CDH13: variants seen among roughly 807,000 people sequenced by gnomAD.
CDH13 encodes the protein cadherin 13.
A neutral mutation model predicts 63.8 loss-of-function variants in CDH13; 24 were observed. The observed-to-expected ratio is 0.38, with a 90% CI of 0.27 to 0.53. The LOEUF is 0.53. Ranked by LOEUF, CDH13 falls within the 20% of genes least tolerant of loss-of-function variation. The pLI is 0.85. For synonymous variants in CDH13, 503 were observed against 355.3 expected (o/e 1.42, Z -4.67); for missense variants, 1,049 against 903.1 (o/e 1.16, Z -2.07).
chr16:83,145,262 C>T (rs1022597225), intron 4 of CDH13, among the ~76,000 whole-genome samples: 2 of 152,174 alleles, frequency 1.3e-5, no homozygotes, highest in African/African-American at 2.4e-5. Context: ...CACCAACTCC[C>T]CTGTTGGCTG....
At chr16:83,121,214 G>A (rs891706732) in intron 3 of CDH13, among the ~76,000 whole-genome samples, 3 of 152,142 alleles carry the variant, frequency 2.0e-5, no homozygotes, top group Non-Finnish European at 2.9e-5. Flanking sequence ...AGAGACTAAA[G>A]TGTCTCTTAC....
chr16:83,434,715 T>C (rs906764230), intron 6 of CDH13, among the ~76,000 whole-genome samples: 1 of 151,786 alleles, frequency 6.6e-6, no homozygotes, highest in Admixed American at 6.6e-5. Context: ...CCCCTCAATA[T>C]GTCTGCAATC....
At chr16:83,004,362 T>G (rs1913257727) in intron 2 of CDH13, among the ~76,000 whole-genome samples, 1 of 152,156 alleles carries the variant, frequency 6.6e-6, no homozygotes, top group African/African-American at 2.4e-5. Context: ...AGTTAGGATA[T>G]TGGCTAACAG....
chr16:83,630,838 C>A (rs942338774), intron 8 of CDH13, among the ~76,000 whole-genome samples: 2 of 152,174 alleles, frequency 1.3e-5, no homozygotes, highest in Middle Eastern at 3.2e-3. Context: ...ATATTTGTAG[C>A]TATCTTATTA....
intron 1 of CDH13, among the ~76,000 whole-genome samples, chr16:82,816,197 C>T (rs1406568636): frequency 6.6e-6 from 1 of 152,140 alleles, no homozygotes; most frequent in Non-Finnish European, 1.5e-5. Flanking sequence ...GAAGCAAACC[C>T]CACTGCAGCC....
At chr16:83,082,026 C>T (rs910456009) in intron 3 of CDH13, among the ~76,000 whole-genome samples, 1 of 152,086 alleles carries the variant, frequency 6.6e-6, no homozygotes, top group African/African-American at 2.4e-5. Context: ...TCTCGAACTC[C>T]CAACCTCAGG....
chr16:83,786,823 G>C (rs1446113673), intron 13 of CDH13, among the ~76,000 whole-genome samples: 2 of 152,050 alleles, frequency 1.3e-5, no homozygotes, highest in Non-Finnish European at 2.9e-5. Context: ...CCTGACCTCA[G>C]GTAATCTGCC....
intron 1 of CDH13, among the ~76,000 whole-genome samples, chr16:82,797,718 A>T (rs1215635678): frequency 6.6e-6 from 1 of 151,894 alleles, no homozygotes; most frequent in African/African-American, 2.4e-5. Context: ...GTTATTTGGG[A>T]TAGAATTCAG....
At chr16:83,725,312 A>G (rs1910254395) in intron 10 of CDH13, among the ~76,000 whole-genome samples, 1 of 152,210 alleles carries the variant, frequency 6.6e-6, no homozygotes, top group Non-Finnish European at 1.5e-5. Flanking sequence ...GGTCTTGTGT[A>G]TCCTGTGGAT....
rs561374965 is a variant in CDH13 at position 83,344,870 on chromosome 16, G to A, written c.645G>A (p.Val215=). 3.3e-5 allele frequency: 54 copies of A among 1,613,686 alleles called. 1 individual carries two copies. In the East Asian group the frequency reaches 8.2e-4, roughly 25 times the overall value. ...REVIAVYQLF[V]ETTDVNGKTL... is the part of the protein sequence containing the mutation. ...TCTCTTTGCTCAAATAGCTATTTGT[G>A]GAGACCACTGATGTCAATGGCAAAA... Residue 215 remains valine (V), a synonymous_variant, in exon 6 of 14, where the codon GTG becomes GTA. Coordinates refer to ENST00000567109, the MANE Select transcript of CDH13 (RefSeq NM_001257.5).
At chr16:83,290,786 A>G (rs1006161987) in intron 5 of CDH13, among the ~76,000 whole-genome samples, 1 of 151,910 alleles carries the variant, frequency 6.6e-6, no homozygotes, top group Non-Finnish European at 1.5e-5. Context: ...CTGTCCATGC[A>G]CGTGCACTTT....
At chr16:83,629,887 C>A (rs1910629200) in intron 8 of CDH13, among the ~76,000 whole-genome samples, 1 of 152,212 alleles carries the variant, frequency 6.6e-6, no homozygotes, top group Non-Finnish European at 1.5e-5. Flanking sequence ...GAGCTTACAA[C>A]AGCGTTGAAT....
chr16:83,629,477 C>T (rs1394901565), intron 8 of CDH13, among the ~76,000 whole-genome samples: 1 of 152,162 alleles, frequency 6.6e-6, no homozygotes, highest in Non-Finnish European at 1.5e-5. Flanking sequence ...ATTTTAAAAA[C>T]CCAGGGTTCT....
intron 10 of CDH13, among the ~76,000 whole-genome samples, chr16:83,682,752 A>C (rs1337558597): frequency 6.6e-6 from 1 of 151,836 alleles, no homozygotes; most frequent in Non-Finnish European, 1.5e-5. Flanking sequence ...ATTCCCTGTG[A>C]CTCAGCTCCA....
At chr16:83,221,873 T>A (rs2039710970) in intron 5 of CDH13, among the ~76,000 whole-genome samples, 1 of 152,180 alleles carries the variant, frequency 6.6e-6, no homozygotes, top group Non-Finnish European at 1.5e-5. Context: ...ATTGAGCATC[T>A]ATTAAGTGCC....
intron 2 of CDH13, chr16:82,954,403 A>C (rs929809246): frequency 2.0e-5 from 3 of 152,152 alleles, no homozygotes; most frequent in Non-Finnish European, 4.4e-5. Context: ...GGTGACGCAC[A>C]AGGATGTGAG....
intron 3 of CDH13, among the ~76,000 whole-genome samples, chr16:83,076,441 G>A (rs2032841424): frequency 6.6e-6 from 1 of 152,118 alleles, no homozygotes; most frequent in Non-Finnish European, 1.5e-5. Flanking sequence ...ATCCTTGCAT[G>A]GCATTAAGGG....
intron 2 of CDH13, among the ~76,000 whole-genome samples, chr16:82,874,020 A>G (rs1235001110): frequency 1.3e-5 from 2 of 151,254 alleles, no homozygotes; most frequent in African/African-American, 4.9e-5. Flanking sequence ...TTTTAGGTCC[A>G]GATGTGTTCT....
intron 5 of CDH13, among the ~76,000 whole-genome samples, chr16:83,323,217 T>TCTTTCTTTCTTC (rs2090277691): frequency 1.3e-5 from 2 of 149,108 alleles, no homozygotes; most frequent in African/African-American, 5.0e-5. Flanking sequence ...TTTCTTTCTT[T>TCTTTCTTTCTTC]CTTTCTTTCT....
Sources: allele counts gnomAD v4.1 joint callset (sites outside exome capture counted in the v4.1 genomes callset), GRCh38; gene constraint gnomAD v4.1.1; transcripts MANE v1.5; gene names NCBI Gene and HGNC (gene_info 2026-07-23, HGNC 2026-07-21).